TRPC4: variants seen among roughly 807,000 people sequenced by gnomAD.
TRPC4 encodes transient receptor potential cation channel subfamily C member 4.
Under a neutral mutation model 99.4 loss-of-function variants are expected in TRPC4, and 49 were observed. That is an observed-to-expected ratio of 0.49 (90% CI 0.39 to 0.63). TRPC4 has a LOEUF of 0.63. TRPC4 is among the 20% of genes least tolerant of loss of function. TRPC4 has a pLI of 0.00. For synonymous variants in TRPC4, 454 were observed against 425.9 expected (o/e 1.07, Z -0.81); for missense variants, 898 against 1,152.9 (o/e 0.78, Z 3.20).
chr13:37,844,076 T>C (rs1958815620), intron 1 of TRPC4, among the ~76,000 whole-genome samples: 1 of 152,204 alleles, frequency 6.6e-6, no homozygotes, highest in Non-Finnish European at 1.5e-5. Flanking sequence ...TTCAGGAGAC[T>C]GATATCTGTC....
chr13:37,658,830 G>A (rs1337419117), intron 6 of TRPC4, among the ~76,000 whole-genome samples: 5 of 152,044 alleles, frequency 3.3e-5, no homozygotes, highest in African/African-American at 4.8e-5. Flanking sequence ...GGTGGGAAAC[G>A]GCATGAAGAT....
chr13:37,725,182 T>G (rs989636416), intron 3 of TRPC4, among the ~76,000 whole-genome samples: 2 of 151,974 alleles, frequency 1.3e-5, no homozygotes, highest in Admixed American at 1.3e-4. Flanking sequence ...CAATTGAAAT[T>G]GTCTAGTTTG....
At position 37,716,891 on chromosome 13, in the gene TRPC4, GT is replaced by G. The variant is rs574715531; in HGVS notation, c.898-24557del. Among the ~76,000 whole-genome samples, 4 of 151,986 alleles carry G rather than the reference GT, an allele frequency of 2.6e-5. No homozygotes were observed. In the South Asian group the frequency reaches 6.2e-4, roughly 24 times the overall value. ...TTGTGTACGTCTGAGTTCTTAAAGT[GT>G]TTTTTTATCATGTTTGATATAGGAG... On this transcript the variant is annotated intron_variant, in intron 3 of 10. Transcript: ENST00000379705.
intron 6 of TRPC4, among the ~76,000 whole-genome samples, chr13:37,660,934 G>A (rs1436963693): frequency 6.6e-6 from 1 of 152,196 alleles, no homozygotes; most frequent in Non-Finnish European, 1.5e-5. Flanking sequence ...GAGTCATCAA[G>A]AGACAGGTGA....
At chr13:37,680,347 G>A (rs557561508) in intron 4 of TRPC4, among the ~76,000 whole-genome samples, 18 of 152,254 alleles carry the variant, frequency 1.2e-4, no homozygotes, top group African/African-American at 3.6e-4. Flanking sequence ...GCTAGTCTAC[G>A]TTAGGTGATC....
intron 1 of TRPC4, among the ~76,000 whole-genome samples, chr13:37,842,342 C>CTAAAAAAAAAAAAAAAAAAA (rs1566215865): frequency 2.1e-5 from 1 of 47,854 alleles, no homozygotes. Context: ...TAGCGTCTAG[C>CTAAAAAAAAAAAAAAAAAAA]CAAAAAAAAA....
At chr13:37,751,395 TGAGA>T (rs34530149) in intron 2 of TRPC4, among the ~76,000 whole-genome samples, 7 of 129,250 alleles carry the variant, frequency 5.4e-5, no homozygotes, top group South Asian at 2.5e-4. Context: ...GAGAAAAGAA[TGAGA>T]GAGAGAGAGA....
At chr13:37,797,008 A>AGTAAAGTAAAG (rs1566178222) in intron 1 of TRPC4, among the ~76,000 whole-genome samples, 1 of 94,460 alleles carries the variant, frequency 1.1e-5, no homozygotes, top group African/African-American at 4.6e-5. Flanking sequence ...GTAAAGTAAA[A>AGTAAAGTAAAG]TAAAATAAAA....
rs1002916823 is a variant in TRPC4, at chr13:37,738,914, C to G, written c.897+7023G>C. Among the ~76,000 whole-genome samples the G allele has an allele frequency of 2.7e-5, 4 of 146,802 alleles. No homozygotes were observed. In the East Asian group the frequency reaches 7.2e-4, roughly 26 times the overall value. ...GTGCTCAGATTTATGATGACCCAAA[C>G]TGAGGGTTTCCCCGGGCTTGGGATT... On this transcript the variant is annotated intron_variant, in intron 3 of 10. Transcript: ENST00000379705.
At chr13:37,795,179 G>A (rs1957215498) in intron 1 of TRPC4, among the ~76,000 whole-genome samples, 1 of 135,922 alleles carries the variant, frequency 7.4e-6, no homozygotes, top group African/African-American at 2.7e-5. Flanking sequence ...ATTCACACAT[G>A]TATTTTTCTT....
intron 5 of TRPC4, among the ~76,000 whole-genome samples, chr13:37,668,863 G>A (rs1376379068): frequency 6.6e-6 from 1 of 152,096 alleles, no homozygotes; most frequent in Non-Finnish European, 1.5e-5. Flanking sequence ...TAATTAAGTA[G>A]TGAAAGACCA....
rs368844488 is a variant in TRPC4 at position 37,681,748 on chromosome 13, T to A, written c.1235-7381A>T. On this transcript the variant is annotated intron_variant, in intron 4 of 10. Coordinates refer to ENST00000379705, the MANE Select transcript of TRPC4 (RefSeq NM_016179.4). ...TTCTGTCACAAAATGTTTATCCTGT[T>A]CCCGCAATGGGAACATTTCGAAATT... 1.1e-4 allele frequency among the ~76,000 whole-genome samples: 16 copies of A among 152,278 alleles called. 1 individual carries two copies. The East Asian group carries it at 1.4e-3, about 13-fold the overall frequency.
chr13:37,820,550 C>T, intron 1 of TRPC4, among the ~76,000 whole-genome samples: 1 of 152,006 alleles, frequency 6.6e-6, no homozygotes, highest in South Asian at 2.1e-4. Flanking sequence ...CAAATACTAG[C>T]CAACTGAATC....
chr13:37,652,474 C>T (rs555660934), intron 7 of TRPC4, among the ~76,000 whole-genome samples: 1 of 152,286 alleles, frequency 6.6e-6, no homozygotes, highest in South Asian at 2.1e-4. Flanking sequence ...GAACAAGAAT[C>T]GCCATACCTA....
intron 3 of TRPC4, among the ~76,000 whole-genome samples, chr13:37,724,876 T>G (rs1197783890): frequency 1.3e-5 from 2 of 152,174 alleles, no homozygotes; most frequent in Admixed American, 6.6e-5. Flanking sequence ...GGTGAATGCC[T>G]GAATGAATGA....
rs1265818102 is a variant in TRPC4 at position 37,639,070 on chromosome 13, A to G, written c.2181T>C (p.Thr727=). The G allele has an allele frequency of 1.2e-6, 2 of 1,613,670 alleles. No individual in the cohort carries two copies. Among genetic ancestry groups the G allele is most frequent in the Non-Finnish European group, 8.5e-7 (1 of 1,179,638 alleles). The change falls in exon 10 of 11, where the codon ACT becomes ACC. Residue 727 remains threonine, a synonymous_variant. Coordinates refer to ENST00000379705, the MANE Select transcript of TRPC4 (RefSeq NM_016179.4). ...YVAAMIRDAK[T]EEGLTEENFK... Reference sequence around the variant, plus strand: ...AGTTCTCTTCGGTCAGGCCTTCTTCAGTTTTAGCATCTCTAATCATTGCAG... The same window carrying G: ...AGTTCTCTTCGGTCAGGCCTTCTTCGGTTTTAGCATCTCTAATCATTGCAG...
Position 37,670,215 on chromosome 13 carries a change from G to A in TRPC4, c.1374+4013C>T, listed in dbSNP as rs117323491. Among the ~76,000 whole-genome samples, 513 of 152,240 alleles carry A rather than the reference G, an allele frequency of 3.4e-3. 22 individuals are homozygous for A. In the East Asian group the frequency reaches 0.083, roughly 25 times the overall value. ...TGTTGTTTAAGCCACCCAATCTATGGTATTCTATTGTGACAAGCCGAGGTG... is the reference window on the plus strand; with the variant it reads ...TGTTGTTTAAGCCACCCAATCTATGATATTCTATTGTGACAAGCCGAGGTG... On this transcript the variant is annotated intron_variant, in intron 5 of 10. Transcript: ENST00000379705.
rs187038889 is a variant in TRPC4 at position 37,845,418 on chromosome 13, A to G, written c.-28+24177T>C. Among the ~76,000 whole-genome samples the G allele has an allele frequency of 5.0e-4, 76 of 152,238 alleles. No individual in the cohort carries two copies. The East Asian group carries it at 0.014, about 28-fold the overall frequency. On this transcript the variant is annotated intron_variant, in intron 1 of 10. Transcript: ENST00000379705. ...ATAGAAAATCAAGTAAAATTTGGGAAAAAGTTATAAACAAAATGAGAAGCT... is the reference window on the plus strand; with the variant it reads ...ATAGAAAATCAAGTAAAATTTGGGAGAAAGTTATAAACAAAATGAGAAGCT...
Position 37,859,304 on chromosome 13 carries a change from A to G in TRPC4, c.-28+10291T>C, listed in dbSNP as rs148663177. Among the ~76,000 whole-genome samples, 165 of 151,530 alleles carry G rather than the reference A, an allele frequency of 1.1e-3. 5 individuals carry two copies. The East Asian group carries it at 0.029, about 26-fold the overall frequency. On this transcript the variant is annotated intron_variant, in intron 1 of 10. Transcript: ENST00000379705. ...TCTTTATTTGGAGGTCTTAAGAAGGAAAAAATGAAGGTCAAAGCTATATCT... is the reference window on the plus strand; with the variant it reads ...TCTTTATTTGGAGGTCTTAAGAAGGGAAAAATGAAGGTCAAAGCTATATCT...
Sources: gnomAD v4.1 joint callset for allele counts (sites outside exome capture counted in the v4.1 genomes callset) on GRCh38, gnomAD v4.1.1 for gene constraint, MANE v1.5 for transcripts, NCBI Gene and HGNC (gene_info 2026-07-23, HGNC 2026-07-21) for gene names.